The following NCALD variants were observed in gnomAD, a reference collection of about 807,000 sequenced individuals.
NCALD encodes neurocalcin-delta.
NCALD carries 10 observed loss-of-function variants against 18.6 expected under a neutral mutation model. That is an observed-to-expected ratio of 0.54 (90% CI 0.33 to 0.91). The LOEUF (loss-of-function observed/expected upper bound fraction) is 0.91, where lower values mean the gene tolerates loss of function less well. Among genes scored for constraint, NCALD ranks in the 40% least tolerant of loss-of-function variants. The pLI is 0.03. For synonymous variants in NCALD, 88 were observed against 87.4 expected (o/e 1.01, Z -0.04); for missense variants, 184 against 247.6 (o/e 0.74, Z 1.72).
intron 1 of NCALD, among the ~76,000 whole-genome samples, chr8:102,075,382 T>G (rs1026839264): frequency 3.9e-5 from 6 of 152,206 alleles, no homozygotes; most frequent in African/African-American, 1.4e-4. Context: ...CATTGAAATC[T>G]TCTCTCATTT....
chr8:101,772,560 A>C (rs1811628605), intron 1 of NCALD, among the ~76,000 whole-genome samples: 1 of 152,152 alleles, frequency 6.6e-6, no homozygotes, highest in Non-Finnish European at 1.5e-5. Context: ...TCAGCCCTGG[A>C]CACCTTCCTT....
rs78275451 is a variant in NCALD, at chr8:101,974,371, C to T, written c.-157+45866G>A. Among the ~76,000 whole-genome samples, 1,183 of 152,238 alleles carry T rather than the reference C, an allele frequency of 7.8e-3. 8 individuals carry two copies. Among genetic ancestry groups the T allele is most frequent in the Middle Eastern group, 0.024 (7 of 294 alleles). ...ATTTACCTTCATGAAAAGTCCCTGT[C>T]CCATTCTCTATCCCCAGCTAAAAGA... On this transcript the variant is annotated intron_variant, in intron 2 of 6. Transcript: ENST00000311028.
At chr8:102,064,834 A>G (rs956365991) in intron 1 of NCALD, among the ~76,000 whole-genome samples, 29 of 152,024 alleles carry the variant, frequency 1.9e-4, no homozygotes, top group Non-Finnish European at 1.5e-5. Flanking sequence ...GAAGCACCCT[A>G]GATGCTGTGC....
At chr8:102,042,640 A>G (rs1451104771) in intron 1 of NCALD, among the ~76,000 whole-genome samples, 1 of 151,832 alleles carries the variant, frequency 6.6e-6, no homozygotes, top group Non-Finnish European at 1.5e-5. Flanking sequence ...TGGACATTTC[A>G]TGAGACCCCC....
chr8:102,102,450 C>T (rs13278190), intron 1 of NCALD, among the ~76,000 whole-genome samples: 19,292 of 152,208 alleles, frequency 0.13, 1,308 homozygotes, highest in African/African-American at 0.16. Flanking sequence ...ATGGCACATG[C>T]GTCAGAGCTG....
chr8:101,861,657 T>C (rs1815547666), intron 4 of NCALD, among the ~76,000 whole-genome samples: 1 of 152,094 alleles, frequency 6.6e-6, no homozygotes, highest in Non-Finnish European at 1.5e-5. Flanking sequence ...CCAATGGTAA[T>C]GAATCATTAG....
At chr8:101,898,779 G>A (rs148898825) in intron 3 of NCALD, among the ~76,000 whole-genome samples, 10 of 152,164 alleles carry the variant, frequency 6.6e-5, no homozygotes, top group South Asian at 2.1e-4. Context: ...TCTTGACTAC[G>A]ATAGCTATAC....
intron 1 of NCALD, among the ~76,000 whole-genome samples, chr8:101,726,072 T>A (rs187704641): frequency 2.5e-3 from 379 of 151,732 alleles, no homozygotes; most frequent in Non-Finnish European, 3.9e-3. Context: ...ATGAGAGGGG[T>A]CTAAGCTGGG....
At chr8:101,937,619 T>G (rs1236285395) in intron 2 of NCALD, among the ~76,000 whole-genome samples, 2 of 152,194 alleles carry the variant, frequency 1.3e-5, no homozygotes, top group African/African-American at 2.4e-5. Flanking sequence ...TCTTTGTTAT[T>G]GTGAATGGTG....
At chr8:102,098,306 G>T (rs993879401) in intron 1 of NCALD, among the ~76,000 whole-genome samples, 29 of 152,112 alleles carry the variant, frequency 1.9e-4, no homozygotes, top group African/African-American at 7.0e-4. Flanking sequence ...AGCAATTGGG[G>T]TATTTATCCT....
intron 2 of NCALD, among the ~76,000 whole-genome samples, chr8:102,009,636 G>T (rs1821835626): frequency 6.6e-6 from 1 of 152,346 alleles, no homozygotes; most frequent in South Asian, 2.1e-4. Flanking sequence ...AAAAGATTAT[G>T]CTTAAGAGAA....
In NCALD at chr8:102,008,446, A is replaced by T. The variant is rs182680222; in HGVS notation, c.-157+11791T>A. ...CCACTCCAAAATATGCTGTTCTGGC[A>T]TATTGATGACTCTGAATTAAAGGCA... On this transcript the variant is annotated intron_variant, in intron 2 of 6. Coordinates refer to the NCALD transcript ENST00000311028. 8.6e-5 allele frequency among the ~76,000 whole-genome samples: 13 copies of T among 150,570 alleles called. No individual in the cohort carries two copies. In the East Asian group the frequency reaches 2.6e-3, roughly 30 times the overall value.
At chr8:101,831,019 T>A (rs1460432590) in intron 4 of NCALD, among the ~76,000 whole-genome samples, 1 of 152,130 alleles carries the variant, frequency 6.6e-6, no homozygotes, top group African/African-American at 2.4e-5. Flanking sequence ...AGTCCCTCCA[T>A]CCTCACCTGA....
Position 101,692,779 on chromosome 8 carries a change from C to T in NCALD, c.484+12G>A. The stretch of plus-strand genomic sequence containing the variant: ...CCCATCTGAGCAAAGCAGTGTAGCC[C>T]CCGCCTCCTACCGTCTCTATTGGTG... On this transcript the variant is annotated intron_variant, in intron 3 of 3. Coordinates refer to ENST00000220931, the MANE Select transcript of NCALD (RefSeq NM_032041.3). 6.2e-7 allele frequency: 1 copy of T among 1,605,556 alleles called. No homozygotes were observed. The highest frequency in any genetic ancestry group is 8.5e-7 in the Non-Finnish European group (1 of 1,172,630).
intron 2 of NCALD, among the ~76,000 whole-genome samples, chr8:101,698,816 C>G (rs1815123909): frequency 6.6e-6 from 1 of 152,080 alleles, no homozygotes; most frequent in South Asian, 2.1e-4. Context: ...AAACCCAAAA[C>G]CATAAAAACC....
At chr8:101,735,447 CA>C (rs1817033785) in intron 1 of NCALD, among the ~76,000 whole-genome samples, 1 of 152,176 alleles carries the variant, frequency 6.6e-6, no homozygotes, top group Non-Finnish European at 1.5e-5. Context: ...ACAAATGTTC[CA>C]CCATCCTCTT....
chr8:102,042,980 G>A (rs1157601544), intron 1 of NCALD, among the ~76,000 whole-genome samples: 2 of 151,862 alleles, frequency 1.3e-5, no homozygotes, highest in Admixed American at 6.5e-5. Context: ...AGAGCCAGAT[G>A]CAGTCCAGTC....
At chr8:102,054,563 G>A (rs1210689829) in intron 1 of NCALD, among the ~76,000 whole-genome samples, 4 of 151,714 alleles carry the variant, frequency 2.6e-5, no homozygotes, top group Admixed American at 6.6e-5. Flanking sequence ...TTAGACTTTA[G>A]CTACATCAGC....
chr8:101,957,501 T>C (rs1251050598), intron 2 of NCALD, among the ~76,000 whole-genome samples: 1 of 152,094 alleles, frequency 6.6e-6, no homozygotes, highest in Non-Finnish European at 1.5e-5. Context: ...TTTAGGGCTT[T>C]GTATCTTGGT....
Sources: gnomAD v4.1 joint callset for allele counts (sites outside exome capture counted in the v4.1 genomes callset) on GRCh38, gnomAD v4.1.1 for gene constraint, MANE v1.5 for transcripts, NCBI Gene and HGNC (gene_info 2026-07-23, HGNC 2026-07-21) for gene names.